The following CATSPERE variants were observed in gnomAD, a reference collection of about 807,000 sequenced individuals.
CATSPERE encodes the protein cation channel sperm-associated auxiliary subunit epsilon.
A neutral mutation model predicts 114.1 loss-of-function variants in CATSPERE; 93 were observed. The observed-to-expected ratio is 0.81, with a 90% CI of 0.69 to 0.97. CATSPERE has a LOEUF of 0.97. Ranked by LOEUF, CATSPERE falls within the 50% of genes least tolerant of loss-of-function variation. The probability of loss-of-function intolerance (pLI) is 0.00; values close to 1 mark genes in which losing one functional copy is unlikely to be tolerated. For missense variants in CATSPERE, 1,058 were observed against 1,131.6 expected, an observed-to-expected ratio of 0.93 and a Z score of 0.93; for synonymous variants, 341 against 384.1, an observed-to-expected ratio of 0.89 and a Z score of 1.31.
At chr1:244,551,651 G>A (rs192372019) in intron 8 of CATSPERE, among the ~76,000 whole-genome samples, 2 of 152,230 alleles carry the variant, frequency 1.3e-5, no homozygotes, top group African/African-American at 4.8e-5. Flanking sequence ...AGGCAATAGG[G>A]CTGGCTCTGG....
upstream of CATSPERE, chr1:244,452,156 G>C (rs148749464): frequency 1.5e-5 from 3 of 197,878 alleles, no homozygotes; most frequent in Non-Finnish European, 3.1e-5. Flanking sequence ...GAGCGGAAAA[G>C]GTCAGGGGCG....
intron 6 of CATSPERE, among the ~76,000 whole-genome samples, chr1:244,495,372 G>A (rs982120592): frequency 1.3e-5 from 2 of 152,174 alleles, no homozygotes; most frequent in African/African-American, 4.8e-5. Flanking sequence ...GAAAGTTTCG[G>A]CCTGTGGGAG....
intron 8 of CATSPERE, among the ~76,000 whole-genome samples, chr1:244,547,139 C>T (rs1177991007): frequency 2.0e-5 from 3 of 152,204 alleles, no homozygotes; most frequent in South Asian, 2.1e-4. Flanking sequence ...TCAGACTTCT[C>T]AGCAGAAGTC....
chr1:244,490,046 AG>A (rs1482670236), intron 5 of CATSPERE, among the ~76,000 whole-genome samples: 4 of 152,222 alleles, frequency 2.6e-5, no homozygotes, highest in Admixed American at 2.0e-4. Flanking sequence ...GAGGATGAAC[AG>A]GAGAGGGTAA....
intron 21 of CATSPERE, among the ~76,000 whole-genome samples, chr1:244,637,072 C>T (rs1384128696): frequency 6.6e-6 from 1 of 152,106 alleles, no homozygotes. Context: ...GGACACTGCT[C>T]CACCTTCTGG....
rs560536991 is a variant in CATSPERE, at chr1:244,568,704, G to A, written c.1508-3626G>A. Among the ~76,000 whole-genome samples, 3 of 152,266 alleles carry A rather than the reference G, an allele frequency of 2.0e-5. No individual in the cohort carries two copies. Among genetic ancestry groups the A allele is most frequent in the African/African-American group, 7.2e-5 (3 of 41,548 alleles). On this transcript the variant is annotated intron_variant, in intron 10 of 21. Transcript: ENST00000366534. This position sits in a 1 kb window ranked among gnomAD's most constrained non-coding sequence, Gnocchi z 4.4. ...AGACGCTCCTACCCCCACCAAGTTC[G>A]GGTGTCCCAGGTCACTTCAGACTGC...
At chr1:244,483,579 C>T (rs12085880) in intron 5 of CATSPERE, among the ~76,000 whole-genome samples, 33,540 of 152,038 alleles carry the variant, frequency 0.22, 4,257 homozygotes, top group African/African-American at 0.33. Flanking sequence ...ATTACTGATG[C>T]GTTGAGTGTT....
intron 5 of CATSPERE, among the ~76,000 whole-genome samples, chr1:244,483,506 T>C (rs1028249314): frequency 5.9e-5 from 9 of 152,192 alleles, no homozygotes; most frequent in Non-Finnish European, 1.2e-4. Flanking sequence ...TGTCTGACTT[T>C]TTAATTTTTC....
chr1:244,577,237 A>C (rs983167725), intron 11 of CATSPERE, among the ~76,000 whole-genome samples: 1 of 151,652 alleles, frequency 6.6e-6, no homozygotes, highest in African/African-American at 2.4e-5. Flanking sequence ...TCTCAGGGAA[A>C]CAGTAACTCT....
intron 8 of CATSPERE, among the ~76,000 whole-genome samples, chr1:244,542,154 T>TAAAA (rs539959314): frequency 1.4e-5 from 2 of 140,496 alleles, no homozygotes; most frequent in South Asian, 2.3e-4. Context: ...ACATAAAGTA[T>TAAAA]AAAAAAAAAA....
At chr1:244,601,497 G>T (rs979897862) in intron 17 of CATSPERE, among the ~76,000 whole-genome samples, 4 of 152,132 alleles carry the variant, frequency 2.6e-5, no homozygotes, top group Non-Finnish European at 4.4e-5. Context: ...AATCACATAC[G>T]CTGTCATATA....
chr1:244,603,338 G>A (rs1669527548), intron 17 of CATSPERE, among the ~76,000 whole-genome samples: 1 of 152,152 alleles, frequency 6.6e-6, no homozygotes, highest in South Asian at 2.1e-4. Flanking sequence ...CAGGTGCACA[G>A]AGAGGTCTCT....
At chr1:244,463,446 G>A (rs914650967) in intron 1 of CATSPERE, among the ~76,000 whole-genome samples, 5 of 151,822 alleles carry the variant, frequency 3.3e-5, no homozygotes, top group African/African-American at 4.8e-5. Flanking sequence ...AGGCTGAGGC[G>A]AGAGGATCAC....
At chr1:244,452,298 C>A (rs1316959798), upstream of CATSPERE, among the ~76,000 whole-genome samples, 1 of 152,258 alleles carries the variant, frequency 6.6e-6, no homozygotes, top group East Asian at 1.9e-4. Flanking sequence ...TGGGCTGCGG[C>A]GGTGTATTCT....
chr1:244,566,671 TTTTTTTTTTTTTTTTTG>T (rs1319104925), intron 10 of CATSPERE, among the ~76,000 whole-genome samples: 26 of 121,762 alleles, frequency 2.1e-4, no homozygotes, highest in African/African-American at 7.5e-4. Flanking sequence ...TTTTTTTTTT[TTTTTTTTTTTTTTTTTG>T]CTTTCCATTT....
chr1:244,493,793 T>C (rs1177822527), intron 6 of CATSPERE, among the ~76,000 whole-genome samples: 1 of 152,098 alleles, frequency 6.6e-6, no homozygotes, highest in African/African-American at 2.4e-5. Context: ...GGGTGAAGGA[T>C]ATGAACAGAC....
intron 15 of CATSPERE, 51 bp downstream of exon 15, chr1:244,591,782 A>G (rs753518115): frequency 1.7e-5 from 18 of 1,067,376 alleles, no homozygotes; most frequent in Admixed American, 1.2e-4. Flanking sequence ...CGTAGTACCA[A>G]TACTTTACAA....
At chr1:244,564,085 G>C (rs1663025576) in intron 10 of CATSPERE, among the ~76,000 whole-genome samples, 1 of 152,038 alleles carries the variant, frequency 6.6e-6, no homozygotes, top group Non-Finnish European at 1.5e-5. Context: ...TATTTCTGAG[G>C]CCTCTGTTCT....
At position 244,479,742 on chromosome 1, in the gene CATSPERE, T is replaced by C; in HGVS notation, c.284T>C (p.Val95Ala). The C allele has an allele frequency of 6.2e-7, 1 of 1,600,980 alleles. No homozygotes were observed. The highest frequency in any genetic ancestry group is 8.5e-7 in the Non-Finnish European group (1 of 1,171,438). Reference sequence around the variant, plus strand: ...GATGAAGAAGAACGCTATTTATTTGTGGAAAGTTCTCATACTTGCTTTCTG... The same window carrying C: ...GATGAAGAAGAACGCTATTTATTTGCGGAAAGTTCTCATACTTGCTTTCTG... ...GPDEEERYLF[V>A]ESSHTCFLWY... Residue 95 changes from valine (V) to alanine (A), a missense_variant, in exon 5 of 22, where the codon GTG (valine) becomes GCG (alanine). Transcript: ENST00000366534.
Sources: gnomAD v4.1 joint callset for allele counts (sites outside exome capture counted in the v4.1 genomes callset) on GRCh38, gnomAD v4.1.1 for gene constraint, Gnocchi (gnomAD v3.1) non-coding constraint, MANE v1.5 for transcripts, NCBI Gene and HGNC (gene_info 2026-07-23, HGNC 2026-07-21) for gene names.